VARS1: variants seen among roughly 807,000 people sequenced by gnomAD.
The protein encoded by VARS1 is valine--tRNA ligase.
VARS1 carries 92 observed loss-of-function variants against 161.0 expected under a neutral mutation model. That is an observed-to-expected ratio of 0.57 (90% CI 0.48 to 0.68). VARS1 has a LOEUF of 0.68. Ranked by LOEUF, VARS1 falls within the 30% of genes least tolerant of loss-of-function variation. The pLI is 0.00. For missense variants in VARS1, 1,338 were observed against 1,695.9 expected (o/e 0.79, Z 3.71); for synonymous variants, 595 against 682.5 (o/e 0.87, Z 2.00).
Position 31,779,683 on chromosome 6 carries a change from C to G in VARS1, c.3213G>C (p.Leu1071=), listed in dbSNP as rs548509302. ...SPFMPFVTEE[L]FQRLPRRMPQ... is the part of the protein sequence containing the mutation. ...GCATCCTCCGGGGCAGCCTCTGGAACAGCTCCTCCGTCACGAAGGGCATGA... is the reference window on the plus strand; with the variant it reads ...GCATCCTCCGGGGCAGCCTCTGGAAGAGCTCCTCCGTCACGAAGGGCATGA... The change falls in exon 27 of 30, where the codon CTG becomes CTC. Residue 1071 remains leucine, a synonymous_variant. Coordinates refer to ENST00000375663, the MANE Select transcript of VARS1 (RefSeq NM_006295.3). This position sits in a 1 kb window ranked among gnomAD's most constrained non-coding sequence, Gnocchi z 9.1. 6.2e-7 allele frequency: 1 copy of G among 1,613,002 alleles called. No homozygotes were observed. The highest frequency in any genetic ancestry group is 1.7e-5 in the Admixed American group (1 of 60,028).
intron 8 of VARS1, among the ~76,000 whole-genome samples, chr6:31,788,670 G>A (rs903204942): frequency 1.3e-4 from 20 of 151,742 alleles, no homozygotes; most frequent in Non-Finnish European, 1.0e-4. Flanking sequence ...TTAGCCAGGC[G>A]TGGTGGCGGG....
Position 31,784,202 on chromosome 6 carries a change from A to T in VARS1, c.1671+12T>A, listed in dbSNP as rs1813337089. Reference sequence around the variant, plus strand: ...GCCAGAACTCCTTCCCTAACTGTGGACAGTCCCCCACCTGGTATCTGGTAT... The same window carrying T: ...GCCAGAACTCCTTCCCTAACTGTGGTCAGTCCCCCACCTGGTATCTGGTAT... On this transcript the variant is annotated intron_variant, in intron 13 of 29. Transcript: ENST00000375663. This position sits in a 1 kb window ranked among gnomAD's most constrained non-coding sequence, Gnocchi z 6.1. 1 of 1,613,956 alleles carries T rather than the reference A, an allele frequency of 6.2e-7. No individual in the cohort carries two copies.
In VARS1 at chr6:31,793,133, GGAA is replaced by G; in HGVS notation, c.388-16_388-14del. 6.3e-7 allele frequency: 1 copy of G among 1,579,648 alleles called. No individual in the cohort carries two copies. Among genetic ancestry groups the G allele is most frequent in the Non-Finnish European group, 8.5e-7 (1 of 1,170,560 alleles). On this transcript the variant is annotated splice_polypyrimidine_tract_variant and intron_variant, in intron 2 of 29. Transcript: ENST00000375663. ...CCCCCAGCACAGCCTGGCAGGAAGG[GGAA>G]GAAGTGTGAGACAAGGTTTGGCCCA...
chr6:31,788,831 A>T (rs866006576), intron 8 of VARS1, among the ~76,000 whole-genome samples: 56 of 151,974 alleles, frequency 3.7e-4, no homozygotes, highest in Middle Eastern at 3.4e-3. Context: ...ATAATAATAA[A>T]AATAAAAAAA....
rs1223966790 is a variant in VARS1, at chr6:31,784,095, C to T, written c.1671+119G>A. 1.6e-5 allele frequency: 18 copies of T among 1,119,020 alleles called. No homozygotes were observed. Among genetic ancestry groups the T allele is most frequent in the Non-Finnish European group, 2.1e-5 (16 of 762,528 alleles). 69.3% of individuals were successfully genotyped at this position (1,119,020 alleles called of 1,614,324 possible). A position where few individuals can be genotyped will look rare whatever the true frequency, so the allele number is the denominator to read the frequency against. On this transcript the variant is annotated intron_variant, in intron 13 of 29. Coordinates refer to ENST00000375663, the MANE Select transcript of VARS1 (RefSeq NM_006295.3). The surrounding 1 kb of genome is among the most constrained non-coding windows in gnomAD (Gnocchi z 6.1). The stretch of plus-strand genomic sequence containing the variant: ...TCAGAGCTGGGAAAGAAGCTGAAGA[C>T]CAGTTTCTAACCCAGTTTCCTCTCC...
rs1197319665 is a variant in VARS1, at chr6:31,780,262, A to C, written c.2926-109T>G. The stretch of plus-strand genomic sequence containing the variant: ...ATCCAGAGTCTGATGAGTCCAAAGC[A>C]ACCACCTATGTGCCAGGATCTGGGA... On this transcript the variant is annotated intron_variant, in intron 25 of 29. Transcript: ENST00000375663. This position sits in a 1 kb window ranked among gnomAD's most constrained non-coding sequence, Gnocchi z 5.1. 2 of 1,541,420 alleles carry C rather than the reference A, an allele frequency of 1.3e-6. No individual in the cohort carries two copies. The highest frequency in any genetic ancestry group is 4.3e-4 in the Middle Eastern group (2 of 4,606).
At position 31,785,706 on chromosome 6, in the gene VARS1, C is replaced by G; in HGVS notation, c.1128G>C (p.Leu376=). The G allele has an allele frequency of 6.2e-7, 1 of 1,612,630 alleles. No individual in the cohort carries two copies. Among genetic ancestry groups the G allele is most frequent in the Non-Finnish European group, 8.5e-7 (1 of 1,179,920 alleles). The stretch of plus-strand genomic sequence containing the variant: ...CTGCATGGTCACAGCCAGGGTTCCA[C>G]AGGGTGGTCTCCCCACGCATGCGGT... ...RWHRMRGETT[L]WNPGCDHAGI... is the part of the protein sequence containing the mutation. Residue 376 remains leucine (L), a synonymous_variant, in exon 9 of 30, where the codon CTG becomes CTC. Transcript: ENST00000375663. This position sits in a 1 kb window ranked among gnomAD's most constrained non-coding sequence, Gnocchi z 6.1.
chr6:31,782,710 G>T lies in VARS1; in HGVS notation c.1887+11C>A. The stretch of plus-strand genomic sequence containing the variant: ...CCCTGACCCGGGCACTCTTGCCTCA[G>T]GCAGCCTCACCAGGAAAGGCGGAGG... On this transcript the variant is annotated intron_variant, in intron 15 of 29. Transcript: ENST00000375663. This position sits in a 1 kb window ranked among gnomAD's most constrained non-coding sequence, Gnocchi z 8.3. 1 of 1,613,020 alleles carries T rather than the reference G, an allele frequency of 6.2e-7. No homozygotes were observed.
In VARS1 at chr6:31,795,169, G is replaced by A. The variant is rs1192320909; in HGVS notation, c.49C>T (p.Arg17Ter). ...SPHPDAFPSL[R>*]ALIAARYGEA... ...CCATAGCGAGCGGCTATGAGGGCTC[G>A]GAGGCTGGGGAAGGCATCTGGGTGA... is the stretch of plus-strand genomic sequence containing the variant. Residue 17 changes from arginine to a stop codon, truncating the protein, a stop_gained, in exon 2 of 30, where the codon CGA (arginine) becomes TGA (stop). Transcript: ENST00000375663. LOFTEE classifies it high-confidence loss of function. The surrounding 1 kb of genome is among the most constrained non-coding windows in gnomAD (Gnocchi z 6.9). The A allele has an allele frequency of 2.7e-6, 4 of 1,477,880 alleles. No homozygotes were observed. Among genetic ancestry groups the A allele is most frequent in the Non-Finnish European group, 3.6e-6 (4 of 1,114,670 alleles). The allele number at this position is 1,477,880 out of a possible 1,614,324, so 91.5% of individuals were successfully genotyped here.
At chr6:31,790,119 G>A (rs551510538) in intron 8 of VARS1, among the ~76,000 whole-genome samples, 3 of 150,220 alleles carry the variant, frequency 2.0e-5, no homozygotes, top group South Asian at 2.1e-4. Flanking sequence ...AAAAAAAATC[G>A]CAAAAAAATT....
In VARS1 at chr6:31,780,851, C is replaced by G. The variant is rs745884742; in HGVS notation, c.2718+19G>C. The G allele has an allele frequency of 6.2e-7, 1 of 1,614,190 alleles. No individual in the cohort carries two copies. Among genetic ancestry groups the G allele is most frequent in the Non-Finnish European group, 8.5e-7 (1 of 1,180,022 alleles). ...CATCCACGCTGTGCTCCTGCTTAGC[C>G]CAGCCCAACCCTCCATACCTGCCCT... is the stretch of plus-strand genomic sequence containing the variant. On this transcript the variant is annotated intron_variant, in intron 23 of 29. Transcript: ENST00000375663. This position sits in a 1 kb window ranked among gnomAD's most constrained non-coding sequence, Gnocchi z 5.1.
At position 31,785,162 on chromosome 6, in the gene VARS1, A is replaced by T; in HGVS notation, c.1347+84T>A. 6.5e-7 allele frequency: 1 copy of T among 1,547,012 alleles called. No homozygotes were observed. Among genetic ancestry groups the T allele is most frequent in the Non-Finnish European group, 8.9e-7 (1 of 1,123,268 alleles). Reference sequence around the variant, plus strand: ...ATGGGCCAGCTCCTGAGAGAGGGCCACAACACCTCTGCTTTCTCCTGTGGG... The same window carrying T: ...ATGGGCCAGCTCCTGAGAGAGGGCCTCAACACCTCTGCTTTCTCCTGTGGG... On this transcript the variant is annotated intron_variant, in intron 10 of 29. Coordinates refer to ENST00000375663, the MANE Select transcript of VARS1 (RefSeq NM_006295.3). The surrounding 1 kb of genome is among the most constrained non-coding windows in gnomAD (Gnocchi z 6.1).
Position 31,795,224 on chromosome 6 carries a change from G to C in VARS1, c.-7C>G. The C allele has an allele frequency of 7.0e-7, 1 of 1,424,224 alleles. No individual in the cohort carries two copies. The highest frequency in any genetic ancestry group is 9.2e-7 in the Non-Finnish European group (1 of 1,086,952). The allele number at this position is 1,424,224 out of a possible 1,614,324, so 88.2% of individuals were successfully genotyped here. On this transcript the variant is annotated 5_prime_UTR_variant, in exon 2 of 30. Transcript: ENST00000375663. This position sits in a 1 kb window ranked among gnomAD's most constrained non-coding sequence, Gnocchi z 6.9. Reference sequence around the variant, plus strand: ...AGACGTAGAGGGTGGACATAGTTATGAGAAGGTCCGAACGAAGTGGAAAAA... The same window carrying C: ...AGACGTAGAGGGTGGACATAGTTATCAGAAGGTCCGAACGAAGTGGAAAAA...
chr6:31,784,414 G>A lies in VARS1; in HGVS notation c.1556C>T (p.Ala519Val). The A allele has an allele frequency of 6.2e-7, 1 of 1,614,116 alleles. No homozygotes were observed. Among genetic ancestry groups the A allele is most frequent in the East Asian group, 2.2e-5 (1 of 44,874 alleles). Residue 519 changes from alanine to valine, a missense_variant, in exon 12 of 30, where the codon GCC becomes GTC. By Grantham distance (64) the Ala-to-Val change is moderately conservative. Coordinates refer to ENST00000375663, the MANE Select transcript of VARS1 (RefSeq NM_006295.3). This position sits in a 1 kb window ranked among gnomAD's most constrained non-coding sequence, Gnocchi z 6.1. ...CCTACCTGAGCCTTGGACCTTATAG[G>A]CAAAGGACACGAGGACCCCGAACTC... ...KVEFGVLVSF[A>V]YKVQGSDSDE...
In VARS1 at chr6:31,782,743, A is replaced by T; in HGVS notation, c.1865T>A (p.Ile622Asn). Reference sequence around the variant, plus strand: ...CACCAGGAAAGGCGGAGGCACATTGATGAGGGCCCCCCGGGAGTCCATGAT... The same window carrying T: ...CACCAGGAAAGGCGGAGGCACATTGTTGAGGGCCCCCCGGGAGTCCATGAT... The part of the protein sequence containing the change: ...ISIMDSRGAL[I>N]NVPPPFLGLP... The change falls in exon 15 of 30, where the codon ATC becomes AAC. Residue 622 changes from isoleucine (I) to asparagine (N), a missense_variant. Around this residue, in one of 3 missense-constraint regions of VARS1, gnomAD observed 902 missense variants for 1,090.3 expected, o/e 0.83. Transcript: ENST00000375663. This position sits in a 1 kb window ranked among gnomAD's most constrained non-coding sequence, Gnocchi z 8.3. The T allele has an allele frequency of 6.2e-7, 1 of 1,612,940 alleles. No homozygotes were observed. Among genetic ancestry groups the T allele is most frequent in the Non-Finnish European group, 8.5e-7 (1 of 1,179,978 alleles).
In VARS1 at chr6:31,784,591, G is replaced by C. The variant is rs1463881946; in HGVS notation, c.1467+4C>G. On this transcript the variant is annotated splice_donor_region_variant and intron_variant, in intron 11 of 29. Coordinates refer to ENST00000375663, the MANE Select transcript of VARS1 (RefSeq NM_006295.3). The surrounding 1 kb of genome is among the most constrained non-coding windows in gnomAD (Gnocchi z 6.1). ...ATGGAGACAGGCCAGGTTGGGGGGC[G>C]CACCTCAATGTCAGAGATGGCGGAG... 6.2e-7 allele frequency: 1 copy of C among 1,613,292 alleles called. No individual in the cohort carries two copies. Among genetic ancestry groups the C allele is most frequent in the South Asian group, 1.1e-5 (1 of 91,090 alleles).
intron 13 of VARS1, 189 bp from the exon 14 acceptor site, chr6:31,783,375 T>C: frequency 1.7e-6 from 1 of 604,812 alleles, no homozygotes; most frequent in Non-Finnish European, 2.9e-6. Flanking sequence ...CCAGGTGTGG[T>C]GACGCGTGCC....
chr6:31,784,271 G>A lies in VARS1; in HGVS notation c.1614C>T (p.Ile538=), dbSNP rs779644059. 4 of 1,614,130 alleles carry A rather than the reference G, an allele frequency of 2.5e-6. No individual in the cohort carries two copies. The highest frequency in any genetic ancestry group is 3.4e-6 in the Non-Finnish European group (4 of 1,180,038). Residue 538 remains isoleucine, a synonymous_variant, in exon 13 of 30, where the codon ATC becomes ATT. Coordinates refer to ENST00000375663, the MANE Select transcript of VARS1 (RefSeq NM_006295.3). This position sits in a 1 kb window ranked among gnomAD's most constrained non-coding sequence, Gnocchi z 6.1. The stretch of plus-strand genomic sequence containing the variant: ...CAGCCACATCTCCCAGCATTGTCTC[G>A]ATCCGAGTTGTTGCCACCACCACCT... ...DEEVVVATTR[I]ETMLGDVAVA...
At chr6:31,789,909 A>C (rs1298256561) in intron 8 of VARS1, among the ~76,000 whole-genome samples, 2 of 151,980 alleles carry the variant, frequency 1.3e-5, no homozygotes, top group African/African-American at 4.8e-5. Context: ...CTGTAGTCCT[A>C]GCTACTTGGG....
Sources: allele counts gnomAD v4.1 joint callset (sites outside exome capture counted in the v4.1 genomes callset), GRCh38; gene constraint gnomAD v4.1.1; regional missense constraint gnomAD v4.1.1; non-coding constraint Gnocchi (gnomAD v3.1); transcripts MANE v1.5; gene names NCBI Gene and HGNC (gene_info 2026-07-23, HGNC 2026-07-21).